CATSPER3: variants seen among roughly 807,000 people sequenced by gnomAD.
The protein encoded by CATSPER3 is cation channel sperm-associated protein 3.
A neutral mutation model predicts 36.6 loss-of-function variants in CATSPER3; 23 were observed. The ratio of observed to expected loss-of-function variants is 0.63; its 90% CI spans 0.45 to 0.89. The LOEUF (loss-of-function observed/expected upper bound fraction) is 0.89, where lower values mean the gene tolerates loss of function less well. Among genes scored for constraint, CATSPER3 ranks in the 40% least tolerant of loss-of-function variants. CATSPER3 has a pLI of 0.00. For synonymous variants in CATSPER3, 172 were observed against 184.1 expected (o/e 0.93, Z 0.53); for missense variants, 474 against 503.9 (o/e 0.94, Z 0.57).
chr5:134,973,380 T>C (rs1751630914), intron 2 of CATSPER3, among the ~76,000 whole-genome samples: 1 of 152,184 alleles, frequency 6.6e-6, no homozygotes, highest in African/African-American at 2.4e-5. Flanking sequence ...GGCAACAGTA[T>C]TAGTAGTGTT....
Position 135,008,064 on chromosome 5 carries a change from A to T in CATSPER3, c.600A>T (p.Gly200=). Residue 200 remains glycine (G), a synonymous_variant, in exon 4 of 8, where the codon GGA becomes GGT. Transcript: ENST00000282611. ...CTATCTTGGGCTTCTGCCTGTTTGG[A>T]TCTCCAGACAATGGTGACCATGATA... is the stretch of plus-strand genomic sequence containing the variant. ...IFAILGFCLF[G]SPDNGDHDNW... The T allele has an allele frequency of 6.2e-7, 1 of 1,613,984 alleles. No homozygotes were observed. The highest frequency in any genetic ancestry group is 1.1e-5 in the South Asian group (1 of 91,066).
At position 134,996,430 on chromosome 5, in the gene CATSPER3, A is replaced by G; in HGVS notation, c.410A>G (p.Lys137Arg). 1 of 1,614,104 alleles carries G rather than the reference A, an allele frequency of 6.2e-7. No individual in the cohort carries two copies. Among genetic ancestry groups the G allele is most frequent in the Non-Finnish European group, 8.5e-7 (1 of 1,179,924 alleles). The change falls in exon 3 of 8, where the codon AAA (lysine) becomes AGA (arginine). Residue 137 changes from lysine to arginine, a missense_variant. Coordinates refer to ENST00000282611, the MANE Select transcript of CATSPER3 (RefSeq NM_178019.3). ...TATGCCCTCCGCCAGCTCATGGGCAAACAGTTCACTTACCTGTATATCGCT... is the reference window on the plus strand; with the variant it reads ...TATGCCCTCCGCCAGCTCATGGGCAGACAGTTCACTTACCTGTATATCGCT... ...LPYALRQLMG[K>R]QFTYLYIADG...
intron 2 of CATSPER3, among the ~76,000 whole-genome samples, chr5:134,978,459 C>T (rs913856451): frequency 3.3e-5 from 5 of 151,830 alleles, no homozygotes; most frequent in African/African-American, 4.8e-5. Flanking sequence ...ACAAAATAAA[C>T]GTTAAAAAAC....
chr5:135,004,201 C>T (rs1370009082), intron 3 of CATSPER3, among the ~76,000 whole-genome samples: 1 of 152,210 alleles, frequency 6.6e-6, no homozygotes, highest in East Asian at 1.9e-4. Flanking sequence ...TGTTGTGTGG[C>T]CTCCTCAGTG....
intron 2 of CATSPER3, among the ~76,000 whole-genome samples, chr5:134,976,550 A>G (rs1751677422): frequency 6.6e-6 from 1 of 152,160 alleles, no homozygotes; most frequent in Non-Finnish European, 1.5e-5. Context: ...TAGGCTTAGG[A>G]TGTAAGCTGC....
At chr5:135,008,306 T>C (rs1561465255) in intron 4 of CATSPER3, among the ~76,000 whole-genome samples, 167 bp downstream of exon 4, 1 of 152,218 alleles carries the variant, frequency 6.6e-6, no homozygotes, top group African/African-American at 2.4e-5. Context: ...GCCAGCACCC[T>C]GCACGGGGCT....
At chr5:135,006,835 C>CA (rs1561464725) in intron 3 of CATSPER3, among the ~76,000 whole-genome samples, 17 of 24,586 alleles carry the variant, frequency 6.9e-4, no homozygotes, top group African/African-American at 4.3e-3. Flanking sequence ...GACTCCGTCT[C>CA]GAAAAAAAAA....
chr5:134,995,070 G>T (rs574187131), intron 2 of CATSPER3, among the ~76,000 whole-genome samples: 1 of 144,772 alleles, frequency 6.9e-6, no homozygotes, highest in African/African-American at 2.6e-5. Flanking sequence ...TACATATTTT[G>T]GGCTACTTGA....
intron 2 of CATSPER3, among the ~76,000 whole-genome samples, chr5:134,973,402 T>C (rs1303754389): frequency 6.6e-6 from 1 of 152,200 alleles, no homozygotes; most frequent in Non-Finnish European, 1.5e-5. Context: ...TTCTGAGACT[T>C]GTATGTCTGT....
intron 2 of CATSPER3, among the ~76,000 whole-genome samples, chr5:134,970,673 G>C (rs1239456224): frequency 6.7e-6 from 1 of 148,300 alleles, no homozygotes; most frequent in Non-Finnish European, 1.5e-5. Context: ...CCAGGTACAA[G>C]TGATTCTCCT....
intron 2 of CATSPER3, among the ~76,000 whole-genome samples, chr5:134,973,588 A>G (rs1269006393): frequency 6.6e-6 from 1 of 152,206 alleles, no homozygotes; most frequent in Non-Finnish European, 1.5e-5. Context: ...TGTCATAGAC[A>G]TTAGCAAGGA....
rs902722436 is a variant in CATSPER3 at position 134,967,937 on chromosome 5, C to A, written c.-55C>A. 4 of 1,323,608 alleles carry A rather than the reference C, an allele frequency of 3.0e-6. No individual in the cohort carries two copies. Among genetic ancestry groups the A allele is most frequent in the Non-Finnish European group, 4.4e-6 (4 of 916,424 alleles). 82.0% of individuals were successfully genotyped at this position (1,323,608 alleles called of 1,614,324 possible). On this transcript the variant is annotated 5_prime_UTR_variant, in exon 1 of 8. Coordinates refer to ENST00000282611, the MANE Select transcript of CATSPER3 (RefSeq NM_178019.3). ...CCAGACGCTAAGGAAAATCCCTAAG[C>A]AGAGATTTTCTGTTGGATGCTAAAA... is the stretch of plus-strand genomic sequence containing the variant.
At chr5:134,997,331 T>A (rs1172468888) in intron 3 of CATSPER3, among the ~76,000 whole-genome samples, 1 of 152,238 alleles carries the variant, frequency 6.6e-6, no homozygotes, top group Non-Finnish European at 1.5e-5. Context: ...TCTCCCCTGC[T>A]GCATACACAC....
intron 1 of CATSPER3, 169 bp from the exon 2 acceptor site, chr5:134,969,770 A>T: frequency 2.8e-6 from 2 of 706,652 alleles, no homozygotes; most frequent in Non-Finnish European, 5.0e-6. Flanking sequence ...ATCATCATAT[A>T]TATGTCAGTG....
At chr5:135,010,989 C>T (rs1450204597) in intron 7 of CATSPER3, among the ~76,000 whole-genome samples, 1 of 152,298 alleles carries the variant, frequency 6.6e-6, no homozygotes, top group South Asian at 2.1e-4. Flanking sequence ...CTGAGTGTGG[C>T]CTGGCCCAGG....
chr5:134,977,404 C>T (rs1036277654), intron 2 of CATSPER3, among the ~76,000 whole-genome samples: 10 of 152,060 alleles, frequency 6.6e-5, no homozygotes, highest in African/African-American at 2.4e-4. Context: ...TCCACAAAGC[C>T]CTAGGATATG....
intron 3 of CATSPER3, among the ~76,000 whole-genome samples, chr5:135,000,677 A>T (rs1023080663): frequency 1.3e-5 from 2 of 152,056 alleles, no homozygotes; most frequent in African/African-American, 4.8e-5. Context: ...GAATTTATCC[A>T]TTTCTTCTAG....
Position 134,968,072 on chromosome 5 carries a change from A to G in CATSPER3, c.81A>G (p.Pro27=), listed in dbSNP as rs1427222855. ...ACACTACATCGGTGGGATTTTGCCCAACATTCAAGAAATTTAAGTAAATAT... is the reference window on the plus strand; with the variant it reads ...ACACTACATCGGTGGGATTTTGCCCGACATTCAAGAAATTTAAGTAAATAT... ...PVDTTSVGFC[P]TFKKFKRNDD... The change falls in exon 1 of 8, where the codon CCA becomes CCG. Residue 27 remains proline (P), a synonymous_variant. Transcript: ENST00000282611. The G allele has an allele frequency of 1.9e-6, 3 of 1,610,868 alleles. No homozygotes were observed. The East Asian group carries it at 6.7e-5, about 36-fold the overall frequency.
intron 3 of CATSPER3, among the ~76,000 whole-genome samples, chr5:134,998,316 T>C (rs1444026554): frequency 1.3e-5 from 2 of 152,264 alleles, no homozygotes; most frequent in Admixed American, 1.3e-4. Context: ...ATCCAGCCTA[T>C]CATTGATGGG....
Sources: allele counts gnomAD v4.1 joint callset (sites outside exome capture counted in the v4.1 genomes callset), GRCh38; gene constraint gnomAD v4.1.1; transcripts MANE v1.5; gene names NCBI Gene and HGNC (gene_info 2026-07-23, HGNC 2026-07-21).